Variants in SUPT3H observed in about 807,000 individuals in gnomAD.
SUPT3H encodes the protein transcription initiation protein SPT3 homolog.
A neutral mutation model predicts 44.3 loss-of-function variants in SUPT3H; 44 were observed. The observed-to-expected ratio is 0.99, with a 90% CI of 0.78 to 1.28. The LOEUF (loss-of-function observed/expected upper bound fraction) is 1.28, where lower values mean the gene tolerates loss of function less well. SUPT3H is among the 50% of genes most tolerant of loss of function. The pLI, the probability that SUPT3H is intolerant of heterozygous loss-of-function variation, is 0.00. For synonymous variants in SUPT3H, 124 were observed against 125.6 expected (o/e 0.99, Z 0.09); for missense variants, 380 against 387.1 (o/e 0.98, Z 0.15).
chr6:44,853,008 G>A (rs1270033657), intron 10 of SUPT3H, among the ~76,000 whole-genome samples: 1 of 152,026 alleles, frequency 6.6e-6, no homozygotes, highest in East Asian at 1.9e-4. Context: ...TGTCCTAGTG[G>A]CTGTAGAAAG....
chr6:45,055,978 GA>G (rs929673969), intron 3 of SUPT3H, among the ~76,000 whole-genome samples: 4 of 151,862 alleles, frequency 2.6e-5, no homozygotes, highest in Admixed American at 6.6e-5. Flanking sequence ...AAATCAGCAA[GA>G]AAAATACAAA....
intron 6 of SUPT3H, among the ~76,000 whole-genome samples, chr6:44,991,117 C>T (rs1780558733): frequency 6.6e-6 from 1 of 151,720 alleles, no homozygotes; most frequent in South Asian, 2.1e-4. Context: ...CAAGGTAGGA[C>T]ATGTAAAAGT....
intron 2 of SUPT3H, among the ~76,000 whole-genome samples, chr6:45,236,744 C>A (rs1280053915): frequency 1.3e-5 from 2 of 150,560 alleles, no homozygotes; most frequent in African/African-American, 4.9e-5. Context: ...GAATACACCC[C>A]CCGAGATCAA....
At chr6:44,895,689 G>C (rs1764024806) in intron 10 of SUPT3H, among the ~76,000 whole-genome samples, 1 of 152,098 alleles carries the variant, frequency 6.6e-6, no homozygotes, top group African/African-American at 2.4e-5. Context: ...GCAGTGAAGG[G>C]AATGGGATTT....
chr6:44,941,580 G>A (rs535317323), intron 9 of SUPT3H, among the ~76,000 whole-genome samples: 1 of 152,126 alleles, frequency 6.6e-6, no homozygotes, highest in Non-Finnish European at 1.5e-5. Context: ...GGTGTTTAAG[G>A]AAAAAATAAT....
chr6:45,035,668 T>C (rs1000199452), intron 3 of SUPT3H, among the ~76,000 whole-genome samples: 1 of 152,116 alleles, frequency 6.6e-6, no homozygotes, highest in Non-Finnish European at 1.5e-5. Flanking sequence ...AGGGAAAAAT[T>C]ATCCAAAACC....
intron 2 of SUPT3H, among the ~76,000 whole-genome samples, chr6:45,247,534 T>G (rs1771584688): frequency 6.6e-6 from 1 of 152,168 alleles, no homozygotes; most frequent in Admixed American, 6.5e-5. Context: ...AAAAAACTCT[T>G]AAGTCTTAAG....
At chr6:44,999,398 A>G (rs1314855099) in intron 6 of SUPT3H, among the ~76,000 whole-genome samples, 1 of 151,878 alleles carries the variant, frequency 6.6e-6, no homozygotes, top group Non-Finnish European at 1.5e-5. Context: ...GTGCACCTGA[A>G]GGGTGGTGTT....
At chr6:44,886,385 C>T (rs1762296375) in intron 10 of SUPT3H, among the ~76,000 whole-genome samples, 1 of 152,068 alleles carries the variant, frequency 6.6e-6, no homozygotes, top group Admixed American at 6.6e-5. Context: ...GGGTTACCCA[C>T]AAAGGGAAGC....
intron 2 of SUPT3H, among the ~76,000 whole-genome samples, chr6:45,212,646 T>A (rs1041874047): frequency 6.6e-6 from 1 of 152,186 alleles, no homozygotes; most frequent in Admixed American, 6.5e-5. Context: ...AAAGGGTATA[T>A]AGAATGTAGT....
At chr6:44,888,903 G>A (rs1313278066) in intron 10 of SUPT3H, among the ~76,000 whole-genome samples, 1 of 117,546 alleles carries the variant, frequency 8.5e-6, no homozygotes, top group Non-Finnish European at 1.8e-5. Flanking sequence ...AAGCTGATAA[G>A]CGACTTCAGC....
chr6:44,900,190 C>A (rs747160121), intron 10 of SUPT3H, among the ~76,000 whole-genome samples: 1 of 152,176 alleles, frequency 6.6e-6, no homozygotes, highest in South Asian at 2.1e-4. Flanking sequence ...ACAGTGGGTG[C>A]AGCGCACCGA....
chr6:45,296,215 ATG>A (rs890753490), intron 2 of SUPT3H, among the ~76,000 whole-genome samples: 11 of 96,304 alleles, frequency 1.1e-4, no homozygotes, highest in African/African-American at 1.8e-4. Context: ...CACACACACA[ATG>A]CAACACTACT....
intron 6 of SUPT3H, among the ~76,000 whole-genome samples, chr6:44,997,780 A>G (rs1781467538): frequency 6.6e-6 from 1 of 151,818 alleles, no homozygotes; most frequent in African/African-American, 2.4e-5. Flanking sequence ...TTTAAGTGAG[A>G]TATTTTTTAT....
chr6:44,967,609 G>C (rs766461084), intron 6 of SUPT3H, among the ~76,000 whole-genome samples: 1 of 152,148 alleles, frequency 6.6e-6, no homozygotes, highest in African/African-American at 2.4e-5. Context: ...GCATGCAGTT[G>C]CATTTAAATT....
intron 2 of SUPT3H, among the ~76,000 whole-genome samples, chr6:45,310,883 C>T (rs1276546417): frequency 6.6e-6 from 1 of 152,136 alleles, no homozygotes; most frequent in Non-Finnish European, 1.5e-5. Context: ...TCAACACCCC[C>T]ATAAAATCAC....
intron 10 of SUPT3H, among the ~76,000 whole-genome samples, chr6:44,919,704 T>C (rs1299265244): frequency 6.6e-6 from 1 of 152,170 alleles, no homozygotes; most frequent in Admixed American, 6.5e-5. Context: ...TTCTACTTAT[T>C]CTATACGGCA....
chr6:45,367,186 A>T (rs1795277524), intron 1 of SUPT3H, among the ~76,000 whole-genome samples: 1 of 152,156 alleles, frequency 6.6e-6, no homozygotes, highest in African/African-American at 2.4e-5. Flanking sequence ...ATATCCCAAT[A>T]TCCCTCTGGT....
At chr6:45,295,291 TAGG>T (rs1296409215) in intron 2 of SUPT3H, among the ~76,000 whole-genome samples, 4 of 152,122 alleles carry the variant, frequency 2.6e-5, no homozygotes, top group African/African-American at 9.6e-5. Context: ...TAGCCACATG[TAGG>T]AGAATGAAAC....
Sources: gnomAD v4.1 joint callset for allele counts (sites outside exome capture counted in the v4.1 genomes callset) on GRCh38, gnomAD v4.1.1 for gene constraint, MANE v1.5 for transcripts, NCBI Gene and HGNC (gene_info 2026-07-23, HGNC 2026-07-21) for gene names.